The following RTN3 variants were observed in gnomAD, a reference collection of about 807,000 sequenced individuals.
RTN3 encodes reticulon-3.
Under a neutral mutation model 77.8 loss-of-function variants are expected in RTN3, and 49 were observed. The observed-to-expected ratio is 0.63, with a 90% CI of 0.50 to 0.80. The LOEUF (loss-of-function observed/expected upper bound fraction) is 0.80. RTN3 is among the 30% of genes least tolerant of loss of function. The pLI, the probability that RTN3 is intolerant of heterozygous loss-of-function variation, is 0.00. For missense variants in RTN3, 1,236 were observed against 1,211.9 expected, an observed-to-expected ratio of 1.02 and a Z score of -0.29; for synonymous variants, 464 against 446.9, an observed-to-expected ratio of 1.04 and a Z score of -0.48.
chr11:63,739,463 G>A (rs562978102), intron 3 of RTN3, among the ~76,000 whole-genome samples: 3 of 152,284 alleles, frequency 2.0e-5, no homozygotes, highest in South Asian at 2.1e-4. Context: ...TAGTGTGGCA[G>A]TTCGTTAGCC....
chr11:63,718,157 C>T (rs933786145), intron 2 of RTN3, among the ~76,000 whole-genome samples: 1 of 152,028 alleles, frequency 6.6e-6, no homozygotes, highest in Non-Finnish European at 1.5e-5. Flanking sequence ...TTTTCAGATT[C>T]AGGAAGGGCC....
intron 2 of RTN3, among the ~76,000 whole-genome samples, chr11:63,710,288 C>A (rs547785335): frequency 7.0e-4 from 107 of 152,230 alleles, no homozygotes; most frequent in South Asian, 1.7e-3. Context: ...GCCTCAGCCT[C>A]CTGAGTAGCT....
chr11:63,735,550 T>TTCTCTCTCCCTCTC (rs2013035904), intron 3 of RTN3, among the ~76,000 whole-genome samples: 1 of 42,686 alleles, frequency 2.3e-5, no homozygotes, highest in Non-Finnish European at 4.2e-5. Flanking sequence ...ATTCTAACAT[T>TTCTCTCTCCCTCTC]TCTCTCTCTC....
Position 63,759,288 on chromosome 11 carries a change from GA to G in RTN3, c.*1090del, listed in dbSNP as rs758306613. ...TTCAATATGAGAATTCAGCGAACTT[GA>G]AAGAAAAATCATCTGTGAGTTCCTT... On this transcript the variant is annotated 3_prime_UTR_variant, in exon 9 of 9. Transcript: ENST00000377819. 3 of 152,306 alleles carry G rather than the reference GA, an allele frequency of 2.0e-5. No individual in the cohort carries two copies. The highest frequency in any genetic ancestry group is 4.1e-4 in the South Asian group (2 of 4,820). 9.4% of individuals were successfully genotyped at this position (152,306 alleles called of 1,614,324 possible). A position where few individuals can be genotyped will look rare whatever the true frequency, so the allele number is the denominator to read the frequency against.
At chr11:63,752,382 CA>C (rs549114101) in intron 4 of RTN3, 124 bp from the exon 5 acceptor site, 112 of 853,246 alleles carry the variant, frequency 1.3e-4, no homozygotes, top group African/African-American at 1.3e-3. Context: ...CTGATGACAA[CA>C]AAAAAATGCT....
At chr11:63,707,216 T>C (rs935046703) in intron 2 of RTN3, among the ~76,000 whole-genome samples, 1 of 152,054 alleles carries the variant, frequency 6.6e-6, no homozygotes, top group African/African-American at 2.4e-5. Context: ...TTTTTTCATA[T>C]AGAAAAGGGA....
At position 63,758,605 on chromosome 11, in the gene RTN3, A is replaced by G. The variant is rs572692072; in HGVS notation, c.*404A>G. 199 of 403,156 alleles carry G rather than the reference A, an allele frequency of 4.9e-4. No homozygotes were observed. In the South Asian group the frequency reaches 9.3e-3, roughly 19 times the overall value. The allele number at this position is 403,156 out of a possible 1,614,324, so 25.0% of individuals were successfully genotyped here. On this transcript the variant is annotated 3_prime_UTR_variant, in exon 9 of 9. Coordinates refer to ENST00000377819, the MANE Select transcript of RTN3 (RefSeq NM_001265589.2). ...ATAGTTTTGCCCTTAAGAAGTCATG[A>G]TTAACTTATGAAAAAATTATTTGGG...
intron 3 of RTN3, among the ~76,000 whole-genome samples, chr11:63,722,731 A>G (rs2011910708): frequency 6.6e-6 from 1 of 152,230 alleles, no homozygotes; most frequent in African/African-American, 2.4e-5. Flanking sequence ...TGCTGTGTCT[A>G]GAAGTATGAC....
Position 63,718,826 on chromosome 11 carries a change from A to T in RTN3, c.324A>T (p.Leu108Phe). Residue 108 changes from leucine to phenylalanine, a missense_variant, in exon 3 of 9, where the codon TTA (leucine) becomes TTT (phenylalanine). By Grantham distance (22) the Leu-to-Phe change is conservative. This residue lies in a region of RTN3 where 1,056 missense variants were observed against 990.4 expected (regional missense o/e 1.07). Transcript: ENST00000377819. ...TILHGEKSHV[L>F]GSQPILAKEG... ...TACATGGAGAAAAAAGCCATGTGTT[A>T]GGGAGCCAGCCTATTTTAGCCAAAG... 6.2e-7 allele frequency: 1 copy of T among 1,614,160 alleles called. No homozygotes were observed. The highest frequency in any genetic ancestry group is 8.5e-7 in the Non-Finnish European group (1 of 1,180,028).
At chr11:63,691,604 A>G (rs1229845564) in intron 1 of RTN3, among the ~76,000 whole-genome samples, 2 of 152,126 alleles carry the variant, frequency 1.3e-5, no homozygotes, top group Non-Finnish European at 1.5e-5. Context: ...CTCAATCTCA[A>G]TAAATGGCCA....
chr11:63,681,907 G>A (rs1941075204), intron 1 of RTN3, 129 bp downstream of exon 1: 10 of 1,040,478 alleles, frequency 9.6e-6, no homozygotes, highest in Non-Finnish European at 1.2e-5. Context: ...GCCCCCCGGG[G>A]ACGAGCGTTT....
In RTN3 at chr11:63,681,743, C is replaced by G. The variant is rs1195767915; in HGVS notation, c.107C>G (p.Ala36Gly). Residue 36 changes from alanine (A) to glycine (G), a missense_variant, in exon 1 of 9, where the codon GCC (alanine) becomes GGC (glycine). Ala to Gly is a moderately conservative substitution (Grantham distance 60, BLOSUM62 0). Around this residue, in one of 3 missense-constraint regions of RTN3, gnomAD observed 1,056 missense variants for 990.4 expected, o/e 1.07. Coordinates refer to ENST00000377819, the MANE Select transcript of RTN3 (RefSeq NM_001265589.2). ...GGGGSPGACPALGTKSCSSSC... is the reference protein window; with the variant it reads ...GGGGSPGACPGLGTKSCSSSC... ...GGCGGGAGCCCAGGAGCCTGCCCCG[C>G]CCTGGGGACGAAGAGCTGCAGCTCC... 3 of 1,605,904 alleles carry G rather than the reference C, an allele frequency of 1.9e-6. No homozygotes were observed. Among genetic ancestry groups the G allele is most frequent in the Non-Finnish European group, 2.5e-6 (3 of 1,177,742 alleles).
intron 2 of RTN3, among the ~76,000 whole-genome samples, chr11:63,718,411 C>G (rs1322509054): frequency 6.6e-6 from 1 of 152,120 alleles, no homozygotes; most frequent in Non-Finnish European, 1.5e-5. Context: ...CTTCTTTATG[C>G]TTTCTCTGTA....
intron 2 of RTN3, among the ~76,000 whole-genome samples, chr11:63,712,291 T>C (rs1341362854): frequency 2.6e-5 from 4 of 152,086 alleles, no homozygotes; most frequent in African/African-American, 7.2e-5. Flanking sequence ...AGAGAGTTTT[T>C]TGAGAATGTG....
intron 3 of RTN3, among the ~76,000 whole-genome samples, chr11:63,742,602 G>C (rs2013552346): frequency 6.6e-6 from 1 of 151,876 alleles, no homozygotes; most frequent in African/African-American, 2.4e-5. Flanking sequence ...CCGAGATCAT[G>C]CCACTGCACT....
chr11:63,705,046 T>C, intron 2 of RTN3, 139 bp downstream of exon 2: 1 of 731,220 alleles, frequency 1.4e-6, no homozygotes, highest in East Asian at 2.5e-5. Flanking sequence ...ATTCTTTCTA[T>C]TTAGCAGTTT....
At chr11:63,684,960 A>G (rs1941287941) in intron 1 of RTN3, among the ~76,000 whole-genome samples, 1 of 150,802 alleles carries the variant, frequency 6.6e-6, no homozygotes, top group Non-Finnish European at 1.5e-5. Context: ...GGGTTTTGCC[A>G]TGTTGGCCAG....
At position 63,707,300 on chromosome 11, in the gene RTN3, C is replaced by T. The variant is rs145681120; in HGVS notation, c.199+2393C>T. 3.3e-5 allele frequency among the ~76,000 whole-genome samples: 5 copies of T among 152,158 alleles called. No homozygotes were observed. The East Asian group carries it at 9.6e-4, about 29-fold the overall frequency. Reference sequence around the variant, plus strand: ...CTAATGTATAACGTTGAAAAGATAACTGTCATAGCTTTAAAAATTATTTTA... The same window carrying T: ...CTAATGTATAACGTTGAAAAGATAATTGTCATAGCTTTAAAAATTATTTTA... On this transcript the variant is annotated intron_variant, in intron 2 of 8. Transcript: ENST00000377819.
chr11:63,696,366 CAGCCTGGGCAACA>C (rs1445474322), intron 1 of RTN3, among the ~76,000 whole-genome samples: 1 of 150,986 alleles, frequency 6.6e-6, no homozygotes, highest in Non-Finnish European at 1.5e-5. Flanking sequence ...CACTGCACTC[CAGCCTGGGCAACA>C]AAACAAGACT....
Sources: gnomAD v4.1 joint callset for allele counts (sites outside exome capture counted in the v4.1 genomes callset) on GRCh38, gnomAD v4.1.1 for gene constraint, gnomAD v4.1.1 regional missense constraint, MANE v1.5 for transcripts, NCBI Gene and HGNC (gene_info 2026-07-23, HGNC 2026-07-21) for gene names.